C8orf34: variants seen among roughly 807,000 people sequenced by gnomAD.
The protein encoded by C8orf34 is chromosome 8 open reading frame 34.
In C8orf34, 65 loss-of-function variants were observed where a neutral mutation model predicts 68.3. That is an observed-to-expected ratio of 0.95 (90% CI 0.78 to 1.17). The LOEUF is 1.17. Among genes scored for constraint, C8orf34 ranks in the 50% most tolerant of loss-of-function variants. C8orf34 has a pLI of 0.00. For synonymous variants in C8orf34, 244 were observed against 241.2 expected, an observed-to-expected ratio of 1.01 and a Z score of -0.11; for missense variants, 664 against 655.4, an observed-to-expected ratio of 1.01 and a Z score of -0.14.
chr8:68,378,933 G>A (rs895550074), intron 1 of C8orf34, among the ~76,000 whole-genome samples: 2 of 151,830 alleles, frequency 1.3e-5, no homozygotes, highest in Admixed American at 6.6e-5. Flanking sequence ...AAGAAGAAAG[G>A]CCTAATATTA....
At chr8:68,364,832 A>G (rs1235455263) in intron 1 of C8orf34, among the ~76,000 whole-genome samples, 1 of 151,900 alleles carries the variant, frequency 6.6e-6, no homozygotes, top group Non-Finnish European at 1.5e-5. Flanking sequence ...CACAATTAAA[A>G]GAACTAGAAA....
At chr8:68,780,283 T>C (rs1234271367) in intron 11 of C8orf34, among the ~76,000 whole-genome samples, 1 of 152,160 alleles carries the variant, frequency 6.6e-6, no homozygotes, top group African/African-American at 2.4e-5. Context: ...AAATGACTTG[T>C]TTTTCATTGA....
At chr8:68,461,868 A>C (rs940071450) in intron 3 of C8orf34, among the ~76,000 whole-genome samples, 1 of 152,216 alleles carries the variant, frequency 6.6e-6, no homozygotes, top group African/African-American at 2.4e-5. Context: ...CAAGGCTAGG[A>C]AGAAACTGCA....
intron 6 of C8orf34, among the ~76,000 whole-genome samples, chr8:68,529,775 A>G (rs968758833): frequency 2.0e-5 from 3 of 152,286 alleles, no homozygotes; most frequent in African/African-American, 7.2e-5. Context: ...TTTAGAAATA[A>G]TTATATTATG....
intron 1 of C8orf34, among the ~76,000 whole-genome samples, chr8:68,432,797 C>T (rs1810503105): frequency 6.6e-6 from 1 of 152,064 alleles, no homozygotes; most frequent in Non-Finnish European, 1.5e-5. Flanking sequence ...TCTCACTGTG[C>T]ATGGAAACCT....
chr8:68,452,398 T>G (rs1222283457), intron 3 of C8orf34, among the ~76,000 whole-genome samples: 1 of 151,770 alleles, frequency 6.6e-6, no homozygotes, highest in East Asian at 1.9e-4. Context: ...TCTTCATGTA[T>G]TTACCAAATC....
At chr8:68,605,544 A>G (rs1046198578) in intron 7 of C8orf34, among the ~76,000 whole-genome samples, 1 of 152,260 alleles carries the variant, frequency 6.6e-6, no homozygotes, top group South Asian at 2.1e-4. Context: ...AAAGTGAACT[A>G]GCAAGCCCTG....
intron 10 of C8orf34, among the ~76,000 whole-genome samples, chr8:68,774,329 GTGTATA>G (rs752783903): frequency 7.9e-6 from 1 of 126,884 alleles, no homozygotes; most frequent in African/African-American, 3.4e-5. Context: ...ATGGGTGTGT[GTGTATA>G]TATATATATA....
Position 68,596,659 on chromosome 8 carries a change from G to A in C8orf34, c.1106-43717G>A, listed in dbSNP as rs553969818. ...CCAGGTGACACCTGCATATCTGTGGGTTAGTGCAGTATATTAACCACAAGC... is the reference window on the plus strand; with the variant it reads ...CCAGGTGACACCTGCATATCTGTGGATTAGTGCAGTATATTAACCACAAGC... On this transcript the variant is annotated intron_variant, in intron 7 of 13. Transcript: ENST00000518698. 2.0e-5 allele frequency among the ~76,000 whole-genome samples: 3 copies of A among 152,228 alleles called. No homozygotes were observed. The South Asian group carries it at 6.2e-4, about 32-fold the overall frequency.
chr8:68,400,560 T>C (rs1808906942), intron 1 of C8orf34, among the ~76,000 whole-genome samples: 1 of 152,140 alleles, frequency 6.6e-6, no homozygotes, highest in African/African-American at 2.4e-5. Flanking sequence ...TCTGTTTGTC[T>C]GTTTATTTTT....
chr8:68,722,052 G>T (rs1298624986), intron 10 of C8orf34, among the ~76,000 whole-genome samples: 1 of 151,890 alleles, frequency 6.6e-6, no homozygotes, highest in Non-Finnish European at 1.5e-5. Context: ...ATTTGCTAGG[G>T]CTGCCATAAC....
chr8:68,711,135 G>A (rs944318665), intron 9 of C8orf34, among the ~76,000 whole-genome samples: 6 of 152,106 alleles, frequency 3.9e-5, no homozygotes, highest in African/African-American at 1.4e-4. Flanking sequence ...CAACATCAGG[G>A]GAACACACTA....
intron 1 of C8orf34, among the ~76,000 whole-genome samples, chr8:68,387,756 C>G (rs1808320065): frequency 1.3e-5 from 2 of 152,140 alleles, no homozygotes; most frequent in Non-Finnish European, 2.9e-5. Context: ...CTTTGATCTA[C>G]CTATCTCATC....
At chr8:68,538,289 T>C (rs929915915) in intron 7 of C8orf34, among the ~76,000 whole-genome samples, 3 of 152,176 alleles carry the variant, frequency 2.0e-5, no homozygotes, top group Non-Finnish European at 4.4e-5. Flanking sequence ...TAGTGGTATA[T>C]GGCCAAAGCA....
At chr8:68,338,433 T>G (rs1216933469) in intron 1 of C8orf34, among the ~76,000 whole-genome samples, 1 of 152,180 alleles carries the variant, frequency 6.6e-6, no homozygotes, top group East Asian at 1.9e-4. Flanking sequence ...CCCTTCCTAC[T>G]GTCTAGAAGC....
At chr8:68,679,916 T>G (rs1376750025) in intron 8 of C8orf34, among the ~76,000 whole-genome samples, 1 of 152,158 alleles carries the variant, frequency 6.6e-6, no homozygotes, top group Non-Finnish European at 1.5e-5. Flanking sequence ...TCTTGCCATA[T>G]ACAAAAATCA....
At chr8:68,435,189 AATAAAAAT>A (rs1186156944) in intron 1 of C8orf34, among the ~76,000 whole-genome samples, 9 of 148,690 alleles carry the variant, frequency 6.1e-5, no homozygotes, top group African/African-American at 2.0e-4. Flanking sequence ...ATAAATATAT[AATAAAAAT>A]ATATAAATAT....
intron 7 of C8orf34, among the ~76,000 whole-genome samples, chr8:68,600,695 G>A (rs771970101): frequency 3.3e-5 from 5 of 152,156 alleles, no homozygotes; most frequent in Non-Finnish European, 7.4e-5. Flanking sequence ...TGCAAATAAT[G>A]TGTAATGATC....
At chr8:68,531,393 CT>C (rs768091190) in intron 6 of C8orf34, among the ~76,000 whole-genome samples, 2 of 151,934 alleles carry the variant, frequency 1.3e-5, no homozygotes, top group Admixed American at 1.3e-4. Flanking sequence ...CCTTTTGTTT[CT>C]TTTTTATGAC....
Sources: gnomAD v4.1 joint callset for allele counts (sites outside exome capture counted in the v4.1 genomes callset) on GRCh38, gnomAD v4.1.1 for gene constraint, MANE v1.5 for transcripts, NCBI Gene and HGNC (gene_info 2026-07-23, HGNC 2026-07-21) for gene names.